Variants in MLLT3 observed in about 807,000 individuals in gnomAD.
MLLT3 encodes the protein protein AF-9.
Under a neutral mutation model 53.2 loss-of-function variants are expected in MLLT3, and 4 were observed. The ratio of observed to expected loss-of-function variants is 0.08; its 90% CI spans 0.04 to 0.17. The LOEUF (loss-of-function observed/expected upper bound fraction) is 0.17, where lower values mean the gene tolerates loss of function less well. MLLT3 is among the 10% of genes least tolerant of loss of function. The pLI is 1.00. For synonymous variants in MLLT3, 283 were observed against 230.6 expected (o/e 1.23, Z -2.06); for missense variants, 569 against 684.0 (o/e 0.83, Z 1.87).
At chr9:20,506,481 C>A (rs1057266958) in intron 2 of MLLT3, among the ~76,000 whole-genome samples, 12 of 151,632 alleles carry the variant, frequency 7.9e-5, no homozygotes, top group African/African-American at 2.2e-4. Flanking sequence ...TTTTTTTTAA[C>A]CTTTTAAATA....
Position 20,341,765 on chromosome 9 carries a change from G to A in MLLT3, c.*4678C>T, listed in dbSNP as rs1820742136. The A allele has an allele frequency of 5.2e-6, 1 of 193,982 alleles. No homozygotes were observed. The highest frequency in any genetic ancestry group is 2.3e-5 in the African/African-American group (1 of 43,020). The allele number at this position is 193,982 out of a possible 1,614,324, so 12.0% of individuals were successfully genotyped here. A position where few individuals can be genotyped will look rare whatever the true frequency, so the allele number is the denominator to read the frequency against. The stretch of plus-strand genomic sequence containing the variant: ...AGCAGTTCTTGCTGTGAAAGTAAAT[G>A]CAGGGACTTTGTAAGATCGACTCTC... On this transcript the variant is annotated 3_prime_UTR_variant, in exon 11 of 11. Coordinates refer to ENST00000380338, the MANE Select transcript of MLLT3 (RefSeq NM_004529.4).
rs1818971687 is a variant in MLLT3, at chr9:20,553,303, T to C, written c.193+67351A>G. Among the ~76,000 whole-genome samples the C allele has an allele frequency of 1.3e-5, 2 of 152,180 alleles. 1 individual carries two copies. The highest frequency in any genetic ancestry group is 4.1e-4 in the South Asian group (2 of 4,826). ...ATTCTGGTTATTTCTTCCCCCAAAA[T>C]ACTCTAGAAGAGCTTATATGCATAT... On this transcript the variant is annotated intron_variant, in intron 2 of 10. Coordinates refer to ENST00000380338, the MANE Select transcript of MLLT3 (RefSeq NM_004529.4).
chr9:20,472,359 A>G (rs948208985), intron 2 of MLLT3, among the ~76,000 whole-genome samples: 1 of 152,092 alleles, frequency 6.6e-6, no homozygotes. Context: ...GTTGCCGGCC[A>G]TTCACTTATT....
At chr9:20,492,481 CAA>C (rs1162127488) in intron 2 of MLLT3, among the ~76,000 whole-genome samples, 13 of 151,848 alleles carry the variant, frequency 8.6e-5, no homozygotes, top group African/African-American at 2.2e-4. Flanking sequence ...AAAATGAACT[CAA>C]GAGGCGATAT....
intron 2 of MLLT3, among the ~76,000 whole-genome samples, chr9:20,458,343 C>T (rs539566820): frequency 3.9e-5 from 6 of 152,262 alleles, no homozygotes; most frequent in Non-Finnish European, 4.4e-5. Flanking sequence ...AGGGCTCAGG[C>T]GACAGCAGCC....
intron 9 of MLLT3, 74 bp downstream of exon 9, chr9:20,354,734 T>G (rs1374400946): frequency 8.3e-6 from 8 of 969,278 alleles, no homozygotes; most frequent in Non-Finnish European, 1.3e-5. Flanking sequence ...CCAGCAAGGA[T>G]GATCAAGGGC....
At chr9:20,437,756 C>T (rs900332376) in intron 4 of MLLT3, among the ~76,000 whole-genome samples, 11 of 152,184 alleles carry the variant, frequency 7.2e-5, no homozygotes, top group African/African-American at 2.7e-4. Flanking sequence ...TTAGAGCTCA[C>T]TGATGATCTC....
intron 3 of MLLT3, among the ~76,000 whole-genome samples, chr9:20,455,436 T>G (rs572511929): frequency 6.6e-6 from 1 of 152,342 alleles, no homozygotes; most frequent in Non-Finnish European, 1.5e-5. Flanking sequence ...TTCTCTTACT[T>G]ACTGAGCATC....
rs369906406 is a variant in MLLT3, at chr9:20,592,751, C to T, written c.193+27903G>A. Among the ~76,000 whole-genome samples, 4 of 152,284 alleles carry T rather than the reference C, an allele frequency of 2.6e-5. 1 individual carries two copies. Among genetic ancestry groups the T allele is most frequent in the South Asian group, 2.1e-4 (1 of 4,820 alleles). Reference sequence around the variant, plus strand: ...ACTCACAAGCAAAGAGAAAAACACACTCAGGTCTAACCAGATCCCTCCTAG... The same window carrying T: ...ACTCACAAGCAAAGAGAAAAACACATTCAGGTCTAACCAGATCCCTCCTAG... On this transcript the variant is annotated intron_variant, in intron 2 of 10. Transcript: ENST00000380338.
intron 2 of MLLT3, among the ~76,000 whole-genome samples, chr9:20,525,532 T>A (rs1256454716): frequency 6.6e-6 from 1 of 152,148 alleles, no homozygotes; most frequent in African/African-American, 2.4e-5. Flanking sequence ...TAGAGTTTTT[T>A]ACAGTACTGA....
chr9:20,597,641 C>G lies in MLLT3; in HGVS notation c.193+23013G>C, dbSNP rs188089724. ...CACCAGTATTACTGCAGAGTGGTGT[C>G]ATGTATTGCACTTGACCAATAAGAT... On this transcript the variant is annotated intron_variant, in intron 2 of 10. Coordinates refer to ENST00000380338, the MANE Select transcript of MLLT3 (RefSeq NM_004529.4). Among the ~76,000 whole-genome samples the G allele has an allele frequency of 3.3e-5, 5 of 152,134 alleles. No individual in the cohort carries two copies. The East Asian group carries it at 5.8e-4, about 18-fold the overall frequency.
chr9:20,519,029 A>G (rs1817987830), intron 2 of MLLT3, among the ~76,000 whole-genome samples: 1 of 152,244 alleles, frequency 6.6e-6, no homozygotes, highest in Non-Finnish European at 1.5e-5. Flanking sequence ...GTAAAAAAGG[A>G]ATAGTGTTTT....
chr9:20,594,009 C>T (rs1364964256), intron 2 of MLLT3, among the ~76,000 whole-genome samples: 1 of 147,918 alleles, frequency 6.8e-6, no homozygotes, highest in African/African-American at 2.5e-5. Context: ...GGTGTGATCT[C>T]GGCTCACTGC....
chr9:20,536,420 T>C (rs568746560), intron 2 of MLLT3, among the ~76,000 whole-genome samples: 3 of 152,152 alleles, frequency 2.0e-5, no homozygotes, highest in Admixed American at 1.3e-4. Context: ...GGGTATCATT[T>C]AGGCAAAAAG....
intron 6 of MLLT3, 121 bp from the exon 7 acceptor site, chr9:20,363,726 T>G: frequency 2.3e-6 from 2 of 866,360 alleles, no homozygotes; most frequent in Non-Finnish European, 3.1e-6. Context: ...TCATATATAT[T>G]TATACAATTT....
At chr9:20,446,274 C>T (rs1823697236) in intron 4 of MLLT3, among the ~76,000 whole-genome samples, 1 of 152,124 alleles carries the variant, frequency 6.6e-6, no homozygotes, top group South Asian at 2.1e-4. Flanking sequence ...CAATCTAATT[C>T]TAATAGGAAA....
chr9:20,590,813 G>A (rs995076705), intron 2 of MLLT3, among the ~76,000 whole-genome samples: 13 of 152,088 alleles, frequency 8.5e-5, no homozygotes, highest in African/African-American at 2.7e-4. Context: ...ATCATGCACT[G>A]CAGCCTCGAA....
At chr9:20,600,052 A>G (rs1820378047) in intron 2 of MLLT3, among the ~76,000 whole-genome samples, 1 of 151,798 alleles carries the variant, frequency 6.6e-6, no homozygotes, top group African/African-American at 2.4e-5. Flanking sequence ...TCCATCTTTG[A>G]CAGATTCAGG....
In MLLT3 at chr9:20,456,749, C is replaced by A; in HGVS notation, c.231G>T (p.Gly77=). The A allele has an allele frequency of 1.2e-6, 2 of 1,605,720 alleles. No homozygotes were observed. Among genetic ancestry groups the A allele is most frequent in the African/African-American group, 1.3e-5 (1 of 74,364 alleles). ...CAATTGGCAAAATGAAACCAGCATACCCAGATTCTTCTACTTTGTAAGGTG... is the reference window on the plus strand; with the variant it reads ...CAATTGGCAAAATGAAACCAGCATAACCAGATTCTTCTACTTTGTAAGGTG... ...KDPPYKVEES[G]YAGFILPIEV... is the part of the protein sequence containing the mutation. The change falls in exon 3 of 11, where the codon GGG becomes GGT. Residue 77 remains glycine, a synonymous_variant. Transcript: ENST00000380338.
Sources: gnomAD v4.1 joint callset for allele counts (sites outside exome capture counted in the v4.1 genomes callset) on GRCh38, gnomAD v4.1.1 for gene constraint, MANE v1.5 for transcripts, NCBI Gene and HGNC (gene_info 2026-07-23, HGNC 2026-07-21) for gene names.